The following PLA2G2D variants were observed in gnomAD, a reference collection of about 807,000 sequenced individuals.
The protein encoded by PLA2G2D is phospholipase A2 group IID.
Under a neutral mutation model 13.9 loss-of-function variants are expected in PLA2G2D, and 17 were observed. The observed-to-expected ratio is 1.23, with a 90% confidence interval of 0.84 to 1.84. The LOEUF (loss-of-function observed/expected upper bound fraction) is 1.84, where lower values mean the gene tolerates loss of function less well. Ranked by LOEUF, PLA2G2D falls within the 40% of genes most tolerant of loss-of-function variation. PLA2G2D has a pLI of 0.00. For missense variants in PLA2G2D, 194 were observed against 178.7 expected, an observed-to-expected ratio of 1.09 and a Z score of -0.49; for synonymous variants, 83 against 69.3, an observed-to-expected ratio of 1.20 and a Z score of -0.98.
intron 1 of PLA2G2D, 75 bp from the exon 2 acceptor site, chr1:20,116,552 C>A: frequency 7.1e-7 from 1 of 1,415,376 alleles, no homozygotes; most frequent in Non-Finnish European, 1.0e-6. Context: ...CAGGACGGCA[C>A]CTCTGCTCTG....
At chr1:20,115,419 A>T (rs1236391298) in intron 3 of PLA2G2D, 88 bp downstream of exon 3, 2 of 778,104 alleles carry the variant, frequency 2.6e-6, no homozygotes, top group Admixed American at 4.0e-5. Context: ...AAAAACAGAG[A>T]GGTCAAGTAG....
At position 20,112,970 on chromosome 1, in the gene PLA2G2D, T is replaced by C. The variant is rs980731986; in HGVS notation, c.*1144A>G. 1 of 152,084 alleles carries C rather than the reference T, an allele frequency of 6.6e-6. No homozygotes were observed. The highest frequency in any genetic ancestry group is 1.5e-5 in the Non-Finnish European group (1 of 68,018). The allele number at this position is 152,084 out of a possible 1,614,324, so 9.4% of individuals were successfully genotyped here. A position where few individuals can be genotyped will look rare whatever the true frequency, so the allele number is the denominator to read the frequency against. On this transcript the variant is annotated 3_prime_UTR_variant, in exon 4 of 4. Coordinates refer to ENST00000375105, the MANE Select transcript of PLA2G2D (RefSeq NM_012400.4). Reference sequence around the variant, plus strand: ...GCAGTATTTAGGGGAAGGAGGCAGATTGGAGCAGTTGGCTGCCAACACCTG... The same window carrying C: ...GCAGTATTTAGGGGAAGGAGGCAGACTGGAGCAGTTGGCTGCCAACACCTG...
intron 1 of PLA2G2D, 26 bp downstream of exon 1, chr1:20,119,433 C>T (rs1455224214): frequency 6.2e-7 from 1 of 1,606,320 alleles, no homozygotes; most frequent in Admixed American, 1.7e-5. Flanking sequence ...CTTCCCTTCC[C>T]AGCCTGGGTC....
chr1:20,114,149 G>T lies in PLA2G2D; in HGVS notation c.403C>A (p.Arg135=), dbSNP rs756989161. The T allele has an allele frequency of 6.2e-7, 1 of 1,613,814 alleles. No homozygotes were observed. Among genetic ancestry groups the T allele is most frequent in the South Asian group, 1.1e-5 (1 of 91,064 alleles). ...TYQKRLRFYW[R]PHCRGQTPGC Reference sequence around the variant, plus strand: ...GGGGTCTGCCCCCGGCAGTGGGGCCGCCAGTAGAAACGCAGTCGCTTCTGG... The same window carrying T: ...GGGGTCTGCCCCCGGCAGTGGGGCCTCCAGTAGAAACGCAGTCGCTTCTGG... Residue 135 remains arginine, a synonymous_variant, in exon 4 of 4, where the codon CGG becomes AGG. Coordinates refer to ENST00000375105, the MANE Select transcript of PLA2G2D (RefSeq NM_012400.4).
At chr1:20,116,190 AT>A (rs2016985915) in intron 2 of PLA2G2D, 142 bp downstream of exon 2, 1 of 893,812 alleles carries the variant, frequency 1.1e-6, no homozygotes, top group Non-Finnish European at 1.8e-6. Flanking sequence ...CTGGGACCGT[AT>A]TGGCACCCAG....
At chr1:20,117,586 T>C (rs145827686) in intron 1 of PLA2G2D, among the ~76,000 whole-genome samples, 11 of 152,268 alleles carry the variant, frequency 7.2e-5, no homozygotes, top group Non-Finnish European at 1.2e-4. Context: ...AAATAAAATA[T>C]ATTAAGTCCA....
chr1:20,115,453 C>T (rs2016965183), intron 3 of PLA2G2D, 54 bp downstream of exon 3: 5 of 1,014,712 alleles, frequency 4.9e-6, no homozygotes, highest in Admixed American at 1.7e-5. Context: ...GCAGTGGGGG[C>T]CAGATCTCCC....
Position 20,112,704 on chromosome 1 carries a change from A to C in PLA2G2D, c.*1410T>G, listed in dbSNP as rs980804192. On this transcript the variant is annotated 3_prime_UTR_variant, in exon 4 of 4. Transcript: ENST00000375105. ...ACTTTCTGGAGAAACCTGTGAGGGA[A>C]CCAGGAAAACTGGATAGGCCAAGGG... 2 of 152,144 alleles carry C rather than the reference A, an allele frequency of 1.3e-5. No homozygotes were observed. Among genetic ancestry groups the C allele is most frequent in the Non-Finnish European group, 2.9e-5 (2 of 68,034 alleles). The allele number at this position is 152,144 out of a possible 1,614,324, so 9.4% of individuals were successfully genotyped here. A position where few individuals can be genotyped will look rare whatever the true frequency, so the allele number is the denominator to read the frequency against.
intron 1 of PLA2G2D, among the ~76,000 whole-genome samples, chr1:20,117,763 A>G (rs2017019520): frequency 6.6e-6 from 1 of 152,090 alleles, no homozygotes; most frequent in African/African-American, 2.4e-5. Context: ...GAGTTTACTT[A>G]TGGAACCCGC....
In PLA2G2D at chr1:20,111,979, T is replaced by G. The variant is rs887489752; in HGVS notation, c.*2135A>C. The G allele has an allele frequency of 2.7e-5, 4 of 150,022 alleles. No homozygotes were observed. Among genetic ancestry groups the G allele is most frequent in the African/African-American group, 9.9e-5 (4 of 40,264 alleles). The allele number at this position is 150,022 out of a possible 1,614,324, so 9.3% of individuals were successfully genotyped here. A position where few individuals can be genotyped will look rare whatever the true frequency, so the allele number is the denominator to read the frequency against. On this transcript the variant is annotated 3_prime_UTR_variant, in exon 4 of 4. Coordinates refer to ENST00000375105, the MANE Select transcript of PLA2G2D (RefSeq NM_012400.4). ...TTTTATTTTATTTTATTTTATTTTA[T>G]TTTTTGAGACAGAGTGTCACTCTGT...
In PLA2G2D at chr1:20,112,234, T is replaced by C. The variant is rs531873042; in HGVS notation, c.*1880A>G. 6.6e-6 allele frequency: 1 copy of C among 152,304 alleles called. No individual in the cohort carries two copies. The highest frequency in any genetic ancestry group is 1.5e-5 in the Non-Finnish European group (1 of 68,058). The allele number at this position is 152,304 out of a possible 1,614,324, so 9.4% of individuals were successfully genotyped here. ...TGCCTGCCTCAGCCACCCTAAGTGT[T>C]GGGATTACAGGCATGAGCCACCATG... On this transcript the variant is annotated 3_prime_UTR_variant, in exon 4 of 4. Transcript: ENST00000375105.
At position 20,116,841 on chromosome 1, in the gene PLA2G2D, G is replaced by A. The variant is rs543937510; in HGVS notation, c.41-364C>T. On this transcript the variant is annotated intron_variant, in intron 1 of 3. Transcript: ENST00000375105. ...ACAAAACATCAAAAATTAACTGGGCGTGGTGGTGGACACCTGTCGTCCCAG... is the reference window on the plus strand; with the variant it reads ...ACAAAACATCAAAAATTAACTGGGCATGGTGGTGGACACCTGTCGTCCCAG... Among the ~76,000 whole-genome samples, 128 of 152,158 alleles carry A rather than the reference G, an allele frequency of 8.4e-4. 1 individual carries two copies. Among genetic ancestry groups the A allele is most frequent in the African/African-American group, 2.9e-3 (121 of 41,510 alleles).
At chr1:20,119,088 A>C (rs574021931) in intron 1 of PLA2G2D, among the ~76,000 whole-genome samples, 1 of 152,318 alleles carries the variant, frequency 6.6e-6, no homozygotes, top group African/African-American at 2.4e-5. Flanking sequence ...AAACGGCTCT[A>C]AAAATATGGA....
chr1:20,114,810 C>G (rs2016950667), intron 3 of PLA2G2D, among the ~76,000 whole-genome samples: 1 of 152,090 alleles, frequency 6.6e-6, no homozygotes, highest in African/African-American at 2.4e-5. Context: ...GTTAAAGTAA[C>G]AAGACAAGGC....
intron 2 of PLA2G2D, 84 bp from the exon 3 acceptor site, chr1:20,115,697 G>A: frequency 1.2e-6 from 1 of 853,938 alleles, no homozygotes; most frequent in South Asian, 1.3e-5. Flanking sequence ...AAGAACCCGT[G>A]TCCCCACCTG....
chr1:20,113,524 CTTGGTT>C lies in PLA2G2D; in HGVS notation c.*584_*589del, dbSNP rs2016926623. 6.6e-6 allele frequency: 1 copy of C among 152,166 alleles called. No homozygotes were observed. Among genetic ancestry groups the C allele is most frequent in the Non-Finnish European group, 1.5e-5 (1 of 68,084 alleles). The allele number at this position is 152,166 out of a possible 1,614,324, so 9.4% of individuals were successfully genotyped here. A position where few individuals can be genotyped will look rare whatever the true frequency, so the allele number is the denominator to read the frequency against. On this transcript the variant is annotated 3_prime_UTR_variant, in exon 4 of 4. Coordinates refer to ENST00000375105, the MANE Select transcript of PLA2G2D (RefSeq NM_012400.4). ...CCAAGAAGGATTTATGGAGCTCCTTCTTGGTTCTGGTGTTGCTTTGGGCACCAGGGA... is the reference window on the plus strand; with the variant it reads ...CCAAGAAGGATTTATGGAGCTCCTTCCTGGTGTTGCTTTGGGCACCAGGGA...
At chr1:20,114,983 G>A (rs1450820174) in intron 3 of PLA2G2D, among the ~76,000 whole-genome samples, 1 of 152,178 alleles carries the variant, frequency 6.6e-6, no homozygotes, top group East Asian at 1.9e-4. Context: ...GTAGGGGCCA[G>A]GTGCCCTGGG....
At chr1:20,115,417 A>G in intron 3 of PLA2G2D, 90 bp downstream of exon 3, 62 of 774,450 alleles carry the variant, frequency 8.0e-5, no homozygotes, top group South Asian at 2.4e-4. Context: ...AAAAAAACAG[A>G]GAGGTCAAGT....
intron 1 of PLA2G2D, among the ~76,000 whole-genome samples, chr1:20,119,029 G>A (rs969602781): frequency 2.0e-5 from 3 of 152,128 alleles, no homozygotes; most frequent in South Asian, 4.1e-4. Flanking sequence ...CCTCTTCACC[G>A]AAAGTCAAGG....
Sources: allele counts gnomAD v4.1 joint callset (sites outside exome capture counted in the v4.1 genomes callset), GRCh38; gene constraint gnomAD v4.1.1; transcripts MANE v1.5; gene names NCBI Gene and HGNC (gene_info 2026-07-23, HGNC 2026-07-21).